The following ANO4 variants were observed in gnomAD, a reference collection of about 807,000 sequenced individuals.
ANO4 encodes the protein anoctamin 4, also known as anoctamin-4.
A neutral mutation model predicts 141.9 loss-of-function variants in ANO4; 69 were observed. The ratio of observed to expected loss-of-function variants is 0.49; its 90% CI spans 0.40 to 0.59. ANO4 has a LOEUF of 0.59. ANO4 is among the 20% of genes least tolerant of loss of function. The pLI, the probability that ANO4 is intolerant of heterozygous loss-of-function variation, is 0.00. For missense variants in ANO4, 894 were observed against 1,162.2 expected, an observed-to-expected ratio of 0.77 and a Z score of 3.36; for synonymous variants, 350 against 394.3, an observed-to-expected ratio of 0.89 and a Z score of 1.33.
At chr12:100,973,781 A>G (rs1459782639) in intron 6 of ANO4, among the ~76,000 whole-genome samples, 3 of 152,208 alleles carry the variant, frequency 2.0e-5, no homozygotes, top group Non-Finnish European at 2.9e-5. Flanking sequence ...TGACAAAGGC[A>G]TATCATGTAT....
At chr12:100,802,637 T>G (rs2034763817) in intron 1 of ANO4, among the ~76,000 whole-genome samples, 1 of 152,222 alleles carries the variant, frequency 6.6e-6, no homozygotes, top group Admixed American at 6.5e-5. Flanking sequence ...TTCATTCATT[T>G]GCTCACTCCA....
At chr12:100,767,026 T>G (rs924929449) in intron 3 of ANO4, among the ~76,000 whole-genome samples, 3 of 152,218 alleles carry the variant, frequency 2.0e-5, no homozygotes, top group Non-Finnish European at 4.4e-5. Context: ...CCTGTTCTCT[T>G]TTGGTTACCG....
intron 9 of ANO4, among the ~76,000 whole-genome samples, chr12:101,026,939 G>A (rs183373049): frequency 9.8e-4 from 150 of 152,302 alleles, no homozygotes; most frequent in African/African-American, 3.5e-3. Context: ...GAAAAGAAGG[G>A]TGGGGCCAAG....
intron 1 of ANO4, among the ~76,000 whole-genome samples, chr12:100,901,248 T>C (rs2040579169): frequency 6.6e-6 from 1 of 152,204 alleles, no homozygotes. Context: ...AAGATGCATA[T>C]AATTCTAAGG....
chr12:101,084,790 A>G (rs2049416713), intron 16 of ANO4, among the ~76,000 whole-genome samples: 1 of 152,198 alleles, frequency 6.6e-6, no homozygotes, highest in Non-Finnish European at 1.5e-5. Flanking sequence ...ATAGACATAG[A>G]TTAAGCTTTT....
At chr12:101,095,398 G>A (rs1234408933) in intron 18 of ANO4, among the ~76,000 whole-genome samples, 2 of 152,150 alleles carry the variant, frequency 1.3e-5, no homozygotes, top group Admixed American at 1.3e-4. Flanking sequence ...GTACAGTCCT[G>A]GTCCATCCAC....
chr12:100,938,347 C>G (rs1192049805), intron 3 of ANO4, among the ~76,000 whole-genome samples: 1 of 152,216 alleles, frequency 6.6e-6, no homozygotes, highest in Non-Finnish European at 1.5e-5. Context: ...TCACACAGCT[C>G]TATGCCTGAC....
intron 8 of ANO4, among the ~76,000 whole-genome samples, chr12:101,000,815 A>G (rs2045603482): frequency 1.3e-5 from 2 of 152,242 alleles, no homozygotes; most frequent in African/African-American, 4.8e-5. Context: ...ACCTCTGGGT[A>G]TCTGGAGGCC....
At chr12:100,941,097 T>C (rs1290629394) in intron 4 of ANO4, among the ~76,000 whole-genome samples, 1 of 152,042 alleles carries the variant, frequency 6.6e-6, no homozygotes, top group Non-Finnish European at 1.5e-5. Flanking sequence ...GGAAAATTAA[T>C]ATTGGAGTGT....
chr12:101,098,039 G>T, intron 21 of ANO4, 94 bp downstream of exon 21: 1 of 1,100,932 alleles, frequency 9.1e-7, no homozygotes, highest in Non-Finnish European at 1.4e-6. Flanking sequence ...AGACTCAGCA[G>T]TTAAGCCAGT....
At chr12:101,106,212 A>G (rs2050435470) in intron 22 of ANO4, among the ~76,000 whole-genome samples, 1 of 152,198 alleles carries the variant, frequency 6.6e-6, no homozygotes, top group African/African-American at 2.4e-5. Context: ...GCCCAGAGAA[A>G]AGAACAGAAA....
At chr12:100,996,864 C>T (rs1346882546) in intron 8 of ANO4, among the ~76,000 whole-genome samples, 1 of 151,936 alleles carries the variant, frequency 6.6e-6, no homozygotes. Context: ...AGTGGTAGCA[C>T]CAATGGCAAC....
chr12:100,994,635 A>G (rs772855497), intron 8 of ANO4, among the ~76,000 whole-genome samples: 3 of 152,226 alleles, frequency 2.0e-5, no homozygotes, highest in Admixed American at 6.5e-5. Context: ...GTAAACACCC[A>G]TAAAAATTGA....
chr12:101,099,447 G>A, intron 21 of ANO4, 131 bp from the exon 22 acceptor site: 1 of 795,846 alleles, frequency 1.3e-6, no homozygotes, highest in Non-Finnish European at 2.0e-6. Flanking sequence ...CTAACCTGAG[G>A]CTTTATTTCT....
chr12:100,890,382 TATC>T (rs1374336524), intron 1 of ANO4, among the ~76,000 whole-genome samples: 7 of 152,246 alleles, frequency 4.6e-5, no homozygotes, highest in African/African-American at 1.7e-4. Flanking sequence ...TAGTATGTCT[TATC>T]ATTTTCTTGA....
chr12:101,113,530 T>A (rs1593302463), intron 24 of ANO4, among the ~76,000 whole-genome samples: 1 of 152,206 alleles, frequency 6.6e-6, no homozygotes, highest in Non-Finnish European at 1.5e-5. Context: ...GATCTGCCTT[T>A]TGTTTTCTAA....
chr12:100,916,626 G>A (rs573629355), intron 2 of ANO4, among the ~76,000 whole-genome samples: 1 of 152,250 alleles, frequency 6.6e-6, no homozygotes, highest in South Asian at 2.1e-4. Flanking sequence ...TTCATACTGT[G>A]CTAGGTACTC....
chr12:100,930,547 G>GT (rs2042050258), intron 3 of ANO4, among the ~76,000 whole-genome samples: 1 of 152,016 alleles, frequency 6.6e-6, no homozygotes, highest in African/African-American at 2.4e-5. Context: ...CTATGTGTCT[G>GT]TTTTTATGCC....
chr12:100,870,225 AT>A (rs2038964440), intron 1 of ANO4, among the ~76,000 whole-genome samples: 1 of 152,150 alleles, frequency 6.6e-6, no homozygotes, highest in Admixed American at 6.6e-5. Context: ...CACTTTTGAC[AT>A]TTTCCTCTAA....
Sources: gnomAD v4.1 joint callset for allele counts (sites outside exome capture counted in the v4.1 genomes callset) on GRCh38, gnomAD v4.1.1 for gene constraint, MANE v1.5 for transcripts, NCBI Gene and HGNC (gene_info 2026-07-23, HGNC 2026-07-21) for gene names.